Variants in MAP1B observed in about 807,000 individuals in gnomAD.
The protein encoded by MAP1B is microtubule associated protein 1B.
A neutral mutation model predicts 176.1 loss-of-function variants in MAP1B; 12 were observed. The ratio of observed to expected loss-of-function variants is 0.07; its 90% CI spans 0.04 to 0.11. The LOEUF (loss-of-function observed/expected upper bound fraction) is 0.11. Ranked by LOEUF, MAP1B falls within the 10% of genes least tolerant of loss-of-function variation. The pLI, the probability that MAP1B is intolerant of heterozygous loss-of-function variation, is 1.00. For synonymous variants in MAP1B, 1,044 were observed against 1,135.0 expected, an observed-to-expected ratio of 0.92 and a Z score of 1.61; for missense variants, 2,523 against 2,990.5, an observed-to-expected ratio of 0.84 and a Z score of 3.65.
chr5:72,118,416 A>T (rs981999202), intron 2 of MAP1B, among the ~76,000 whole-genome samples: 4 of 152,232 alleles, frequency 2.6e-5, no homozygotes, highest in African/African-American at 9.6e-5. Flanking sequence ...ATTGTTAAAA[A>T]TAGCACCTAC....
At position 72,198,359 on chromosome 5, in the gene MAP1B, T is replaced by C. The variant is rs1747235589; in HGVS notation, c.5004T>C (p.Asp1668=). Residue 1668 remains aspartate, a synonymous_variant, in exon 5 of 7, where the codon GAT becomes GAC. Coordinates refer to ENST00000296755, the MANE Select transcript of MAP1B (RefSeq NM_005909.5). ...LAMDFSRQSP[D]HPTVGAGVLH... is the part of the protein sequence containing the mutation. ...TGGACTTCAGTCGACAGTCTCCAGA[T>C]CACCCTACAGTGGGTGCAGGCGTGC... The C allele has an allele frequency of 1.2e-6, 2 of 1,614,164 alleles. No individual in the cohort carries two copies. Among genetic ancestry groups the C allele is most frequent in the Middle Eastern group, 1.6e-4 (1 of 6,062 alleles).
At position 72,205,259 on chromosome 5, in the gene MAP1B, C is replaced by G; in HGVS notation, c.*20C>G. 1 of 1,593,670 alleles carries G rather than the reference C, an allele frequency of 6.3e-7. No homozygotes were observed. Among genetic ancestry groups the G allele is most frequent in the East Asian group, 2.2e-5 (1 of 44,702 alleles). On this transcript the variant is annotated 3_prime_UTR_variant, in exon 7 of 7. Transcript: ENST00000296755. ...CTGTAAAAACCAAGGCCAGCCACAC[C>G]ACAGGATCTGAACTTTGTTTCCAGA...
At chr5:72,160,002 T>C (rs1359374562) in intron 2 of MAP1B, among the ~76,000 whole-genome samples, 2 of 152,184 alleles carry the variant, frequency 1.3e-5, no homozygotes, top group African/African-American at 4.8e-5. Context: ...AGAGCTAAAA[T>C]GTGATGACTC....
chr5:72,174,671 G>T (rs1746614641), intron 2 of MAP1B, among the ~76,000 whole-genome samples: 1 of 152,132 alleles, frequency 6.6e-6, no homozygotes. Context: ...TGCGTTGAGG[G>T]GCATGTGTAT....
rs1004152044 is a variant in MAP1B, at chr5:72,196,121, C to T, written c.2766C>T (p.Asp922=). Reference sequence around the variant, plus strand: ...CCGTCGAGAAGCAGGGAGTAGACGACATTGAAAAATTTGAAGATGAAGGAG... The same window carrying T: ...CCGTCGAGAAGCAGGGAGTAGACGATATTGAAAAATTTGAAGATGAAGGAG... ...LEPVEKQGVD[D]IEKFEDEGAG... is the part of the protein sequence containing the mutation. Residue 922 remains aspartate (D), a synonymous_variant, in exon 5 of 7, where the codon GAC becomes GAT. Transcript: ENST00000296755. The surrounding 1 kb of genome is among the most constrained non-coding windows in gnomAD (Gnocchi z 5.3). 6.2e-7 allele frequency: 1 copy of T among 1,613,616 alleles called. No homozygotes were observed.
intron 2 of MAP1B, among the ~76,000 whole-genome samples, chr5:72,161,911 C>G (rs1178488340): frequency 1.4e-5 from 2 of 140,428 alleles, no homozygotes; most frequent in African/African-American, 2.7e-5. Context: ...GAGCCGAGAT[C>G]GCGCCACTAC....
intron 4 of MAP1B, among the ~76,000 whole-genome samples, chr5:72,189,615 C>T (rs576748687): frequency 1.2e-4 from 18 of 151,716 alleles, no homozygotes; most frequent in African/African-American, 2.4e-4. Context: ...GGATCACGTG[C>T]GGCTAGGAGT....
rs578004318 is a variant in MAP1B at position 72,192,096 on chromosome 5, A to T, written c.511-1770A>T. ...TAATTTTTAAGTTTCACTATTAAAG[A>T]TACAGCAGTTATTCTAGATTTGCCC... On this transcript the variant is annotated intron_variant, in intron 4 of 6. Transcript: ENST00000296755. Among the ~76,000 whole-genome samples the T allele has an allele frequency of 3.3e-5, 5 of 152,354 alleles. No homozygotes were observed. The East Asian group carries it at 9.6e-4, about 29-fold the overall frequency.
intron 2 of MAP1B, among the ~76,000 whole-genome samples, chr5:72,142,147 G>C (rs1489893556): frequency 6.6e-6 from 1 of 152,226 alleles, no homozygotes; most frequent in Non-Finnish European, 1.5e-5. Context: ...CCCCATCTGG[G>C]CTTGGTGCCC....
At chr5:72,191,627 C>G (rs1049623622) in intron 4 of MAP1B, among the ~76,000 whole-genome samples, 3 of 152,228 alleles carry the variant, frequency 2.0e-5, no homozygotes, top group African/African-American at 7.2e-5. Flanking sequence ...AGGGCTCTGT[C>G]CAGCCCTGTC....
chr5:72,114,251 T>C (rs1386001464), intron 1 of MAP1B, among the ~76,000 whole-genome samples: 1 of 152,160 alleles, frequency 6.6e-6, no homozygotes, highest in Non-Finnish European at 1.5e-5. Flanking sequence ...TAATCCACCT[T>C]GATTCTTTAC....
Position 72,197,178 on chromosome 5 carries a change from C to A in MAP1B, c.3823C>A (p.Arg1275Ser), listed in dbSNP as rs760949739. Residue 1275 changes from arginine (R) to serine (S), a missense_variant, in exon 5 of 7, where the codon CGT (arginine) becomes AGT (serine). This residue lies in a region of MAP1B where 1,925 missense variants were observed against 2,126.0 expected (regional missense o/e 0.91). Transcript: ENST00000296755. Reference sequence around the variant, plus strand: ...CTTAGAAAAGACCCCCCTGGGTGAACGTAGTGTGAACTTCTCTCTGACGCC... The same window carrying A: ...CTTAGAAAAGACCCCCCTGGGTGAAAGTAGTGTGAACTTCTCTCTGACGCC... The part of the protein sequence containing the change: ...SPLEKTPLGE[R>S]SVNFSLTPNE... The A allele has an allele frequency of 1.2e-6, 2 of 1,613,994 alleles. No individual in the cohort carries two copies. Among genetic ancestry groups the A allele is most frequent in the East Asian group, 2.2e-5 (1 of 44,894 alleles).
chr5:72,138,962 G>A (rs1394619502), intron 2 of MAP1B, among the ~76,000 whole-genome samples: 1 of 152,110 alleles, frequency 6.6e-6, no homozygotes, highest in Non-Finnish European at 1.5e-5. Flanking sequence ...TCAGGAAAAA[G>A]TATACACATT....
intron 5 of MAP1B, among the ~76,000 whole-genome samples, chr5:72,202,929 G>A (rs1219329536): frequency 6.6e-6 from 1 of 152,160 alleles, no homozygotes; most frequent in African/African-American, 2.4e-5. Flanking sequence ...GCCTTGTCTA[G>A]GGAAAGAAGT....
intron 2 of MAP1B, among the ~76,000 whole-genome samples, chr5:72,172,300 A>C (rs947576579): frequency 2.6e-5 from 4 of 152,146 alleles, no homozygotes; most frequent in Non-Finnish European, 5.9e-5. Flanking sequence ...TCCCCCTCGC[A>C]GTTTTACTGG....
chr5:72,121,458 T>C (rs1745528962), intron 2 of MAP1B, among the ~76,000 whole-genome samples: 1 of 152,248 alleles, frequency 6.6e-6, no homozygotes, highest in Non-Finnish European at 1.5e-5. Flanking sequence ...GGCAGTTTTG[T>C]TTTAAGAACC....
chr5:72,193,748 A>G, intron 4 of MAP1B, 118 bp from the exon 5 acceptor site: 1 of 1,135,368 alleles, frequency 8.8e-7, no homozygotes, highest in East Asian at 2.6e-5. Flanking sequence ...TGCATGTCTG[A>G]AACTGGTCCT....
intron 2 of MAP1B, among the ~76,000 whole-genome samples, chr5:72,180,953 T>A (rs927001593): frequency 6.6e-6 from 1 of 152,192 alleles, no homozygotes; most frequent in African/African-American, 2.4e-5. Context: ...GGACTCTAGA[T>A]CCAGGTGACC....
chr5:72,174,361 T>C (rs1445137019), intron 2 of MAP1B, among the ~76,000 whole-genome samples: 1 of 152,128 alleles, frequency 6.6e-6, no homozygotes, highest in Non-Finnish European at 1.5e-5. Context: ...TGAAGGGTAG[T>C]GTTACTATTT....
Sources: gnomAD v4.1 joint callset for allele counts (sites outside exome capture counted in the v4.1 genomes callset) on GRCh38, gnomAD v4.1.1 for gene constraint, gnomAD v4.1.1 regional missense constraint, Gnocchi (gnomAD v3.1) non-coding constraint, MANE v1.5 for transcripts, NCBI Gene and HGNC (gene_info 2026-07-23, HGNC 2026-07-21) for gene names.